Variants in ADGRG6 observed in about 807,000 individuals in gnomAD.
The protein encoded by ADGRG6 is G-protein coupled receptor 126.
In ADGRG6, 84 loss-of-function variants were observed where a neutral mutation model predicts 142.4. That is an observed-to-expected ratio of 0.59 (90% CI 0.49 to 0.71). ADGRG6 has a LOEUF of 0.71. Among genes scored for constraint, ADGRG6 ranks in the 30% least tolerant of loss-of-function variants. The pLI, the probability that ADGRG6 is intolerant of heterozygous loss-of-function variation, is 0.00. For synonymous variants in ADGRG6, 521 were observed against 520.5 expected (o/e 1.00, Z -0.01); for missense variants, 1,367 against 1,466.6 (o/e 0.93, Z 1.11).
rs374380684 is a variant in ADGRG6, at chr6:142,405,674, T to C, written c.2128-14T>C. The C allele has an allele frequency of 6.3e-7, 1 of 1,596,520 alleles. No individual in the cohort carries two copies. The highest frequency in any genetic ancestry group is 8.6e-7 in the Non-Finnish European group (1 of 1,165,364). ...TATGATTACTTGACCAATATATCTGTGTGTGTGTGACAGATGGATTTTGAG... is the reference window on the plus strand; with the variant it reads ...TATGATTACTTGACCAATATATCTGCGTGTGTGTGACAGATGGATTTTGAG... On this transcript the variant is annotated splice_polypyrimidine_tract_variant and intron_variant, in intron 14 of 24. Coordinates refer to ENST00000367609, the MANE Select transcript of ADGRG6 (RefSeq NM_198569.3).
intron 17 of ADGRG6, among the ~76,000 whole-genome samples, chr6:142,410,398 T>G (rs981549796): frequency 2.0e-5 from 3 of 152,064 alleles, no homozygotes; most frequent in Non-Finnish European, 2.9e-5. Context: ...CATATATTAC[T>G]TGAAAGAGAT....
At chr6:142,334,289 G>A (rs1779205577) in intron 2 of ADGRG6, among the ~76,000 whole-genome samples, 1 of 152,088 alleles carries the variant, frequency 6.6e-6, no homozygotes, top group Non-Finnish European at 1.5e-5. Context: ...GGAAAAAGGT[G>A]GTAAAGACAA....
chr6:142,404,277 T>C (rs1192372823), intron 14 of ADGRG6: 6 of 312,802 alleles, frequency 1.9e-5, no homozygotes, highest in African/African-American at 4.5e-5. Context: ...GAAAGAGCTT[T>C]AAGGGCCCCA....
chr6:142,440,288 T>TTTTA (rs997965859), intron 24 of ADGRG6, among the ~76,000 whole-genome samples: 1 of 152,044 alleles, frequency 6.6e-6, no homozygotes, highest in African/African-American at 2.4e-5. Flanking sequence ...TATTATTTTA[T>TTTTA]TTTATTTATT....
intron 2 of ADGRG6, among the ~76,000 whole-genome samples, chr6:142,328,260 T>C (rs1778875923): frequency 6.6e-6 from 1 of 152,178 alleles, no homozygotes; most frequent in South Asian, 2.1e-4. Context: ...TGAAGTGCAG[T>C]GGCATGATTT....
At chr6:142,312,003 G>T (rs1319077731) in intron 2 of ADGRG6, among the ~76,000 whole-genome samples, 1 of 151,334 alleles carries the variant, frequency 6.6e-6, no homozygotes, top group African/African-American at 2.4e-5. Flanking sequence ...CCCTTACCTG[G>T]TTCTTTTTGA....
chr6:142,422,199 A>G (rs1407252482), intron 22 of ADGRG6, among the ~76,000 whole-genome samples: 2 of 151,956 alleles, frequency 1.3e-5, no homozygotes, highest in Non-Finnish European at 2.9e-5. Context: ...GTTTTAGGGT[A>G]CATGTGCACA....
At chr6:142,386,886 G>A (rs890537009) in intron 6 of ADGRG6, among the ~76,000 whole-genome samples, 1 of 152,108 alleles carries the variant, frequency 6.6e-6, no homozygotes, top group Non-Finnish European at 1.5e-5. Flanking sequence ...CATGTAGACA[G>A]GCCAGTGAAT....
intron 2 of ADGRG6, among the ~76,000 whole-genome samples, chr6:142,316,350 C>CT (rs1326035994): frequency 1.4e-4 from 21 of 152,066 alleles, no homozygotes; most frequent in Non-Finnish European, 2.9e-4. Context: ...AAATCAGGAT[C>CT]TTTTTTCTAA....
rs149764281 is a variant in ADGRG6 at position 142,322,522 on chromosome 6, AG to A, written c.103+12879del. ...TCTTTAGCCTCTACATACATTCAAAAGTTTGGGTTATTCTACCTTTGCCTGA... is the reference window on the plus strand; with the variant it reads ...TCTTTAGCCTCTACATACATTCAAAATTTGGGTTATTCTACCTTTGCCTGA... On this transcript the variant is annotated intron_variant, in intron 2 of 24. Coordinates refer to ENST00000367609, the MANE Select transcript of ADGRG6 (RefSeq NM_198569.3). Among the ~76,000 whole-genome samples, 1,205 of 152,270 alleles carry A rather than the reference AG, an allele frequency of 7.9e-3. 21 individuals carry two copies. Among genetic ancestry groups the A allele is most frequent in the African/African-American group, 0.027 (1,125 of 41,560 alleles).
In ADGRG6 at chr6:142,444,543, T is replaced by C. The variant is rs1248587107; in HGVS notation, c.*1028T>C. 6.6e-6 allele frequency: 1 copy of C among 152,116 alleles called. No homozygotes were observed. Among genetic ancestry groups the C allele is most frequent in the East Asian group, 1.9e-4 (1 of 5,190 alleles). 9.4% of individuals were successfully genotyped at this position (152,116 alleles called of 1,614,324 possible). A position where few individuals can be genotyped will look rare whatever the true frequency, so the allele number is the denominator to read the frequency against. On this transcript the variant is annotated 3_prime_UTR_variant, in exon 25 of 25. Coordinates refer to ENST00000367609, the MANE Select transcript of ADGRG6 (RefSeq NM_198569.3). ...AGGAATATGAAGTGAGACATATGGGTGAGTCATAATAATCAAAATAATTTA... is the reference window on the plus strand; with the variant it reads ...AGGAATATGAAGTGAGACATATGGGCGAGTCATAATAATCAAAATAATTTA...
chr6:142,375,455 C>T (rs554698086), intron 4 of ADGRG6, among the ~76,000 whole-genome samples: 15 of 152,160 alleles, frequency 9.9e-5, no homozygotes, highest in Non-Finnish European at 4.4e-5. Context: ...GCTGCTTAAT[C>T]ATCAGCTTTG....
At chr6:142,440,696 T>C (rs1777716168) in intron 24 of ADGRG6, among the ~76,000 whole-genome samples, 2 of 152,184 alleles carry the variant, frequency 1.3e-5, no homozygotes, top group Admixed American at 1.3e-4. Flanking sequence ...GAGAATATAG[T>C]TAGTTATATG....
At chr6:142,415,555 A>G (rs1402198107) in intron 19 of ADGRG6, among the ~76,000 whole-genome samples, 4 of 152,190 alleles carry the variant, frequency 2.6e-5, no homozygotes, top group Non-Finnish European at 5.9e-5. Flanking sequence ...TTGAAGCCCA[A>G]CTGGGAATTG....
chr6:142,330,355 A>G (rs1778990093), intron 2 of ADGRG6, among the ~76,000 whole-genome samples: 1 of 152,152 alleles, frequency 6.6e-6, no homozygotes, highest in Non-Finnish European at 1.5e-5. Context: ...AAAAAAAATG[A>G]AATAAAATGT....
chr6:142,396,077 T>A (rs1348933554), intron 9 of ADGRG6, among the ~76,000 whole-genome samples: 1 of 152,174 alleles, frequency 6.6e-6, no homozygotes, highest in Non-Finnish European at 1.5e-5. Context: ...GTATGGCTAT[T>A]CCTGACTTGT....
At chr6:142,393,402 A>C (rs1390570057) in intron 8 of ADGRG6, among the ~76,000 whole-genome samples, 1 of 152,004 alleles carries the variant, frequency 6.6e-6, no homozygotes, top group Non-Finnish European at 1.5e-5. Flanking sequence ...AGTCTGTCTG[A>C]TTGCAACCTA....
chr6:142,315,284 T>C (rs1042154025), intron 2 of ADGRG6, among the ~76,000 whole-genome samples: 2 of 152,088 alleles, frequency 1.3e-5, no homozygotes, highest in Non-Finnish European at 2.9e-5. Flanking sequence ...GAATATGTGC[T>C]CTTTGGCACT....
chr6:142,371,490 T>G (rs907747597), intron 4 of ADGRG6, among the ~76,000 whole-genome samples: 25 of 147,394 alleles, frequency 1.7e-4, no homozygotes, highest in East Asian at 4.0e-4. Context: ...TTTTGTTTTT[T>G]TTTTTTTTTT....
Sources: gnomAD v4.1 joint callset for allele counts (sites outside exome capture counted in the v4.1 genomes callset) on GRCh38, gnomAD v4.1.1 for gene constraint, MANE v1.5 for transcripts, NCBI Gene and HGNC (gene_info 2026-07-23, HGNC 2026-07-21) for gene names.